DLC1: variants seen among roughly 807,000 people sequenced by gnomAD.
DLC1 encodes the protein DLC1 Rho GTPase activating protein.
In DLC1, 54 loss-of-function variants were observed where a neutral mutation model predicts 140.3. That is an observed-to-expected ratio of 0.38 (90% CI 0.31 to 0.48). The LOEUF is 0.48. Ranked by LOEUF, DLC1 falls within the 20% of genes least tolerant of loss-of-function variation. DLC1 has a pLI of 0.96. For missense variants in DLC1, 2,536 were observed against 1,907.0 expected (o/e 1.33, Z -6.14); for synonymous variants, 986 against 728.1 (o/e 1.35, Z -5.70).
chr8:13,468,935 C>A (rs1347305084), intron 2 of DLC1, among the ~76,000 whole-genome samples: 1 of 150,796 alleles, frequency 6.6e-6, no homozygotes, highest in African/African-American at 2.4e-5. Context: ...ATTCTCCTGC[C>A]TCAGCCTCCC....
intron 4 of DLC1, among the ~76,000 whole-genome samples, chr8:13,363,569 G>A (rs1334706555): frequency 6.6e-6 from 1 of 151,924 alleles, no homozygotes; most frequent in Non-Finnish European, 1.5e-5. Flanking sequence ...GAGAGGTGAA[G>A]AGCAAATTAT....
chr8:13,379,393 C>A (rs150631597), intron 4 of DLC1, among the ~76,000 whole-genome samples: 3 of 152,116 alleles, frequency 2.0e-5, no homozygotes, highest in Admixed American at 6.5e-5. Context: ...ACTTAATACA[C>A]CTAACCTATT....
chr8:13,146,228 C>G (rs1392736292), intron 5 of DLC1, among the ~76,000 whole-genome samples: 4 of 151,242 alleles, frequency 2.6e-5, no homozygotes, highest in African/African-American at 9.7e-5. Flanking sequence ...TGAGACTAGA[C>G]TGTGCCACTG....
intron 2 of DLC1, among the ~76,000 whole-genome samples, chr8:13,402,312 T>A (rs1290802998): frequency 6.6e-6 from 1 of 152,202 alleles, no homozygotes; most frequent in African/African-American, 2.4e-5. Flanking sequence ...ATCATAGGAG[T>A]AGCTAAAGCT....
rs1817504819 is a variant in DLC1 at position 13,085,802 on chromosome 8, C to T, written c.*9G>A. ...CATGGTGGTGGAAGCGGTTGCGTTGCTTCAGTGATCACCTAGATTTGGTGT... is the reference window on the plus strand; with the variant it reads ...CATGGTGGTGGAAGCGGTTGCGTTGTTTCAGTGATCACCTAGATTTGGTGT... On this transcript the variant is annotated 3_prime_UTR_variant, in exon 18 of 18. Coordinates refer to ENST00000276297, the MANE Select transcript of DLC1 (RefSeq NM_182643.3). 6.2e-7 allele frequency: 1 copy of T among 1,614,090 alleles called. No individual in the cohort carries two copies. Among genetic ancestry groups the T allele is most frequent in the South Asian group, 1.1e-5 (1 of 91,082 alleles).
At chr8:13,267,675 G>T (rs1208724023) in intron 5 of DLC1, among the ~76,000 whole-genome samples, 1 of 151,440 alleles carries the variant, frequency 6.6e-6, no homozygotes, top group African/African-American at 2.4e-5. Flanking sequence ...TATAACTCAG[G>T]AATCTTCAAT....
chr8:13,187,543 A>G (rs1415478100), intron 5 of DLC1, among the ~76,000 whole-genome samples: 1 of 152,220 alleles, frequency 6.6e-6, no homozygotes, highest in Non-Finnish European at 1.5e-5. Context: ...CAAGATGTGC[A>G]GAAAGATGAC....
intron 5 of DLC1, among the ~76,000 whole-genome samples, chr8:13,120,356 A>AAAAATATATATATATATATAT: frequency 2.3e-4 from 14 of 61,126 alleles, no homozygotes; most frequent in South Asian, 7.5e-4. Context: ...AAAAAAAAAA[A>AAAAATATATATATATATATAT]ATATATATAT....
chr8:13,341,969 A>AGTGGTATTT (rs1344769366), intron 4 of DLC1: 2 of 152,234 alleles, frequency 1.3e-5, no homozygotes, highest in Non-Finnish European at 2.9e-5. Flanking sequence ...CTACAAGCTA[A>AGTGGTATTT]GTGGTATTTA....
At chr8:13,562,475 T>C (rs113323766) in intron 1 of DLC1, among the ~76,000 whole-genome samples, 9 of 152,288 alleles carry the variant, frequency 5.9e-5, no homozygotes, top group African/African-American at 1.9e-4. Context: ...ATGGTGTTCA[T>C]TCTTACTGCT....
At chr8:13,480,490 T>C (rs1800680060) in intron 2 of DLC1, among the ~76,000 whole-genome samples, 1 of 152,194 alleles carries the variant, frequency 6.6e-6, no homozygotes, top group South Asian at 2.1e-4. Flanking sequence ...TTTACTGCTT[T>C]GTTCTGGAGT....
chr8:13,446,166 A>G (rs1275737086), intron 2 of DLC1, among the ~76,000 whole-genome samples: 1 of 152,156 alleles, frequency 6.6e-6, no homozygotes, highest in East Asian at 1.9e-4. Flanking sequence ...TAGATCATAT[A>G]ATTTCCAGAA....
intron 4 of DLC1, among the ~76,000 whole-genome samples, chr8:13,372,304 A>G (rs1835765796): frequency 6.6e-6 from 1 of 152,188 alleles, no homozygotes; most frequent in South Asian, 2.1e-4. Context: ...TTCCTTACTA[A>G]TTGCTTATAA....
intron 5 of DLC1, among the ~76,000 whole-genome samples, chr8:13,188,843 A>ATATTT (rs1247995559): frequency 9.8e-5 from 3 of 30,666 alleles, no homozygotes; most frequent in African/African-American, 3.2e-4. Context: ...ATATATATAT[A>ATATTT]TTTTTTTTTT....
At chr8:13,339,020 G>T (rs530573667) in intron 4 of DLC1, among the ~76,000 whole-genome samples, 1 of 152,284 alleles carries the variant, frequency 6.6e-6, no homozygotes, top group East Asian at 1.9e-4. Context: ...ATGTAACAAT[G>T]CGTATATCTG....
intron 2 of DLC1, among the ~76,000 whole-genome samples, chr8:13,459,945 C>T: frequency 6.6e-6 from 1 of 152,092 alleles, no homozygotes. Flanking sequence ...GTGTATTGTG[C>T]CGGGAAGGAC....
chr8:13,186,972 C>T (rs1826409197), intron 5 of DLC1, among the ~76,000 whole-genome samples: 1 of 152,170 alleles, frequency 6.6e-6, no homozygotes, highest in Admixed American at 6.6e-5. Context: ...GCCTGGGTAT[C>T]ACCAGCGGAG....
chr8:13,471,860 C>A (rs886439194), intron 2 of DLC1, among the ~76,000 whole-genome samples: 8 of 152,180 alleles, frequency 5.3e-5, no homozygotes, highest in South Asian at 4.1e-4. Context: ...CCCAAGCTCA[C>A]TGGGTGACAT....
chr8:13,300,331 G>C (rs925471489), intron 5 of DLC1, among the ~76,000 whole-genome samples: 7 of 152,162 alleles, frequency 4.6e-5, no homozygotes, highest in African/African-American at 1.7e-4. Flanking sequence ...ATGGATGCTA[G>C]GCTTAATACT....
Sources: gnomAD v4.1 joint callset for allele counts (sites outside exome capture counted in the v4.1 genomes callset) on GRCh38, gnomAD v4.1.1 for gene constraint, MANE v1.5 for transcripts, NCBI Gene and HGNC (gene_info 2026-07-23, HGNC 2026-07-21) for gene names.